PRSS12: variants seen among roughly 807,000 people sequenced by gnomAD.
PRSS12 encodes the protein serine protease 12, also known as neurotrypsin.
PRSS12 carries 85 observed loss-of-function variants against 104.4 expected under a neutral mutation model. The observed-to-expected ratio is 0.81, with a 90% confidence interval of 0.68 to 0.98. PRSS12 has a LOEUF of 0.98. PRSS12 is among the 50% of genes least tolerant of loss of function. PRSS12 has a pLI of 0.00. For missense variants in PRSS12, 1,141 were observed against 1,139.2 expected, an observed-to-expected ratio of 1.00 and a Z score of -0.02; for synonymous variants, 454 against 425.2, an observed-to-expected ratio of 1.07 and a Z score of -0.83.
At chr4:118,346,158 T>C (rs1294697760) in intron 1 of PRSS12, among the ~76,000 whole-genome samples, 1 of 152,188 alleles carries the variant, frequency 6.6e-6, no homozygotes, top group Non-Finnish European at 1.5e-5. Flanking sequence ...AAGGCCACGC[T>C]TCTGAAGAGG....
chr4:118,310,073 T>C (rs764482102), intron 7 of PRSS12, among the ~76,000 whole-genome samples: 2 of 152,194 alleles, frequency 1.3e-5, no homozygotes, highest in African/African-American at 4.8e-5. Context: ...ATCAGCTGGA[T>C]AAAAACTTGG....
Position 118,352,664 on chromosome 4 carries a change from G to T in PRSS12, c.57C>A (p.Val19=), listed in dbSNP as rs1260684285. Residue 19 remains valine (V), a synonymous_variant, in exon 1 of 13, where the codon GTC becomes GTA. Transcript: ENST00000296498. ...ALMLGALPEV[V]GFDSVLNDSL... ...AATCATTGAGGACAGAATCAAAGCC[G>T]ACCACTTCGGGGAGCGCCCCTAACA... 1.2e-5 allele frequency: 19 copies of T among 1,613,230 alleles called. No homozygotes were observed. The Admixed American group carries it at 3.2e-4, about 27-fold the overall frequency.
chr4:118,342,917 G>A (rs1395298310), intron 1 of PRSS12, among the ~76,000 whole-genome samples: 1 of 152,172 alleles, frequency 6.6e-6, no homozygotes, highest in Non-Finnish European at 1.5e-5. Flanking sequence ...TCATGTAACA[G>A]AAATTTGCTT....
rs568489498 is a variant in PRSS12 at position 118,288,336 on chromosome 4, T to A, written c.2040-5225A>T. Reference sequence around the variant, plus strand: ...AATAGTTTTAGCATGATTGGTGATATGTGTATTACCAAAGGCTATGTTCCT... The same window carrying A: ...AATAGTTTTAGCATGATTGGTGATAAGTGTATTACCAAAGGCTATGTTCCT... On this transcript the variant is annotated intron_variant, in intron 11 of 12. Transcript: ENST00000296498. Among the ~76,000 whole-genome samples the A allele has an allele frequency of 7.2e-5, 11 of 152,214 alleles. No homozygotes were observed. In the South Asian group the frequency reaches 2.1e-3, roughly 29 times the overall value.
chr4:118,299,332 T>C (rs1471830109), intron 8 of PRSS12, among the ~76,000 whole-genome samples: 1 of 152,192 alleles, frequency 6.6e-6, no homozygotes, highest in African/African-American at 2.4e-5. Context: ...TGAGATTAAA[T>C]AATAACCTAC....
Position 118,290,045 on chromosome 4 carries a change from C to T in PRSS12, c.2039+4894G>A, listed in dbSNP as rs144501838. ...TCTTAAATAATTCACTATCTGGCAA[C>T]TGAGCCACCACTTTCATCATGTAAC... On this transcript the variant is annotated intron_variant, in intron 11 of 12. Transcript: ENST00000296498. Among the ~76,000 whole-genome samples, 708 of 152,306 alleles carry T rather than the reference C, an allele frequency of 4.6e-3. 20 individuals are homozygous for T. The highest frequency in any genetic ancestry group is 0.04 in the Admixed American group (613 of 15,302).
At chr4:118,345,738 TA>T (rs1177566735) in intron 1 of PRSS12, among the ~76,000 whole-genome samples, 7 of 151,448 alleles carry the variant, frequency 4.6e-5, no homozygotes, top group South Asian at 4.2e-4. Flanking sequence ...CAGATATGAC[TA>T]AAAAAAAATG....
chr4:118,343,473 G>T (rs182427395), intron 1 of PRSS12, among the ~76,000 whole-genome samples: 1 of 152,138 alleles, frequency 6.6e-6, no homozygotes, highest in African/African-American at 2.4e-5. Context: ...AAAAGAAATA[G>T]GAGAAAAGGA....
intron 9 of PRSS12, among the ~76,000 whole-genome samples, chr4:118,296,177 C>T (rs1206181066): frequency 6.6e-6 from 1 of 152,198 alleles, no homozygotes; most frequent in South Asian, 2.1e-4. Context: ...ATGTATGGAA[C>T]AAAATGTATG....
rs141365421 is a variant in PRSS12 at position 118,283,063 on chromosome 4, A to G, written c.2088T>C (p.His696=). The G allele has an allele frequency of 8.7e-5, 141 of 1,614,074 alleles. 1 individual carries two copies. The highest frequency in any genetic ancestry group is 1.7e-5 in the Admixed American group (1 of 60,008). The change falls in exon 12 of 13, where the codon CAT becomes CAC. Residue 696 remains histidine, a synonymous_variant. Transcript: ENST00000296498. The part of the protein sequence containing the change: ...RSYAVRVGDY[H]TLVPEEFEEE... ...CCTCAAACTCCTCTGGTACCAGAGT[A>G]TGATAATCTCCAACCCTAACAGCAT...
At chr4:118,323,832 CAT>C (rs1723695948) in intron 4 of PRSS12, among the ~76,000 whole-genome samples, 2 of 151,614 alleles carry the variant, frequency 1.3e-5, no homozygotes, top group African/African-American at 2.4e-5. Flanking sequence ...CACACACACA[CAT>C]GCACACACAT....
At chr4:118,292,836 A>T (rs1418066964) in intron 11 of PRSS12, among the ~76,000 whole-genome samples, 1 of 151,896 alleles carries the variant, frequency 6.6e-6, no homozygotes, top group Non-Finnish European at 1.5e-5. Flanking sequence ...CCAACATGGT[A>T]AAACCCCGTC....
intron 8 of PRSS12, among the ~76,000 whole-genome samples, chr4:118,302,924 A>T (rs1743436981): frequency 6.6e-6 from 1 of 152,236 alleles, no homozygotes; most frequent in Non-Finnish European, 1.5e-5. Context: ...ATGTAAAGAA[A>T]TTTGAAATTC....
intron 8 of PRSS12, among the ~76,000 whole-genome samples, chr4:118,299,576 A>G (rs987566414): frequency 6.6e-6 from 1 of 151,772 alleles, no homozygotes; most frequent in Non-Finnish European, 1.5e-5. Context: ...GCTACTTGGG[A>G]GGCTGAGGCA....
rs56797849 is a variant in PRSS12 at position 118,340,158 on chromosome 4, A to G, written c.503-1844T>C. ...TCCTGAGTAAAGTATAATTATGACC[A>G]TAACAATATAATAGCAATGATAGAG... On this transcript the variant is annotated intron_variant, in intron 1 of 12. Transcript: ENST00000296498. Among the ~76,000 whole-genome samples, 665 of 152,320 alleles carry G rather than the reference A, an allele frequency of 4.4e-3. 7 individuals carry two copies. The highest frequency in any genetic ancestry group is 0.015 in the African/African-American group (639 of 41,570).
intron 4 of PRSS12, among the ~76,000 whole-genome samples, chr4:118,325,359 T>C (rs1201719617): frequency 1.3e-5 from 2 of 151,814 alleles, no homozygotes; most frequent in South Asian, 2.1e-4. Flanking sequence ...GGTGTTTTAT[T>C]TTCTTCTCAT....
At chr4:118,298,647 G>A (rs1743313923) in intron 9 of PRSS12, 86 bp downstream of exon 9, 15 of 1,301,062 alleles carry the variant, frequency 1.2e-5, no homozygotes, top group Non-Finnish European at 1.6e-5. Context: ...TGTTGTACTA[G>A]ATTTCTGTTA....
At chr4:118,351,636 C>T (rs1724507532) in intron 1 of PRSS12, among the ~76,000 whole-genome samples, 1 of 152,060 alleles carries the variant, frequency 6.6e-6, no homozygotes, top group Admixed American at 6.6e-5. Context: ...ACTGATGATA[C>T]TTACCATACT....
chr4:118,332,003 G>GTA (rs34331159), intron 3 of PRSS12, 137 bp from the exon 4 acceptor site: 124,840 of 1,002,958 alleles, frequency 0.12, 9,842 homozygotes, highest in South Asian at 0.18. Context: ...ATGGACATAC[G>GTA]TATATATATC....
Sources: allele counts gnomAD v4.1 joint callset (sites outside exome capture counted in the v4.1 genomes callset), GRCh38; gene constraint gnomAD v4.1.1; transcripts MANE v1.5; gene names NCBI Gene and HGNC (gene_info 2026-07-23, HGNC 2026-07-21).